The following PHACTR2 variants were observed in gnomAD, a reference collection of about 807,000 sequenced individuals.
PHACTR2 encodes the protein chromosome 6 open reading frame 56.
PHACTR2 carries 30 observed loss-of-function variants against 76.0 expected under a neutral mutation model. That is an observed-to-expected ratio of 0.39 (90% CI 0.30 to 0.54). The LOEUF (loss-of-function observed/expected upper bound fraction) is 0.54, where lower values mean the gene tolerates loss of function less well. PHACTR2 is among the 20% of genes least tolerant of loss of function. The probability of loss-of-function intolerance (pLI) is 0.61; values close to 1 mark genes in which losing one functional copy is unlikely to be tolerated. For missense variants in PHACTR2, 696 were observed against 781.1 expected, an observed-to-expected ratio of 0.89 and a Z score of 1.30; for synonymous variants, 292 against 292.5, an observed-to-expected ratio of 1.00 and a Z score of 0.02.
chr6:143,718,875 GTTTTTTTTTTTT>G (rs1226236202), intron 2 of PHACTR2, among the ~76,000 whole-genome samples: 2 of 123,510 alleles, frequency 1.6e-5, no homozygotes, highest in East Asian at 2.8e-4. Context: ...AGTTGGAAGT[GTTTTTTTTTTTT>G]TTTTTTTTTT....
At position 143,830,764 on chromosome 6, in the gene PHACTR2, T is replaced by C. The variant is rs1776651088; in HGVS notation, c.*7075T>C. On this transcript the variant is annotated 3_prime_UTR_variant, in exon 13 of 13. Transcript: ENST00000440869. ...GAACATTGTTTAGCTTTCCTAAGTATATATAAATGCATATATGTATAAAAT... is the reference window on the plus strand; with the variant it reads ...GAACATTGTTTAGCTTTCCTAAGTACATATAAATGCATATATGTATAAAAT... 6.6e-6 allele frequency: 1 copy of C among 152,360 alleles called. No homozygotes were observed. The highest frequency in any genetic ancestry group is 1.9e-4 in the East Asian group (1 of 5,196). The allele number at this position is 152,360 out of a possible 1,614,324, so 9.4% of individuals were successfully genotyped here.
Position 143,700,899 on chromosome 6 carries a change from T to C in PHACTR2, c.47-11117T>C, listed in dbSNP as rs1442978317. ...TGGTTGATTCCTGTCACGTTTTTCC[T>C]CTCTGTAGCGACATCTTGCTATTCC... On this transcript the variant is annotated intron_variant, in intron 1 of 12. Coordinates refer to ENST00000440869, the MANE Select transcript of PHACTR2 (RefSeq NM_001100164.2). This position sits in a 1 kb window ranked among gnomAD's most constrained non-coding sequence, Gnocchi z 4.1. 6.6e-6 allele frequency among the ~76,000 whole-genome samples: 1 copy of C among 152,260 alleles called. No homozygotes were observed. The highest frequency in any genetic ancestry group is 2.1e-4 in the South Asian group (1 of 4,832).
intron 11 of PHACTR2, among the ~76,000 whole-genome samples, chr6:143,805,479 C>CAAAA (rs746027973): frequency 2.1e-5 from 2 of 95,154 alleles, no homozygotes; most frequent in Non-Finnish European, 2.2e-5. Context: ...AACTCCGTCT[C>CAAAA]AAAAAAAAAA....
intron 1 of PHACTR2, among the ~76,000 whole-genome samples, chr6:143,588,012 C>CTAAAGTAAAATAAAATAAAA (rs1775647846): frequency 7.3e-6 from 1 of 137,656 alleles, no homozygotes; most frequent in Non-Finnish European, 1.6e-5. Context: ...AACTCTGTCT[C>CTAAAGTAAAATAAAATAAAA]TAAAATAAAA....
Position 143,558,758 on chromosome 6 carries a change from A to G in PHACTR2, c.217+21551A>G, listed in dbSNP as rs745532647. On this transcript the variant is annotated intron_variant, in intron 1 of 11. Coordinates refer to the PHACTR2 transcript ENST00000367584. This position sits in a 1 kb window ranked among gnomAD's most constrained non-coding sequence, Gnocchi z 4.7. ...TCGAGCTCATGCTCTTTGTTTCCCA[A>G]CTGGCCTTTGAGTACAGGTACGTTA... Among the ~76,000 whole-genome samples, 4 of 152,168 alleles carry G rather than the reference A, an allele frequency of 2.6e-5. No individual in the cohort carries two copies. The highest frequency in any genetic ancestry group is 7.2e-5 in the African/African-American group (3 of 41,454).
Position 143,774,704 on chromosome 6 carries a change from T to C in PHACTR2, c.1589+489T>C, listed in dbSNP as rs1435295884. On this transcript the variant is annotated intron_variant, in intron 8 of 12. Coordinates refer to ENST00000440869, the MANE Select transcript of PHACTR2 (RefSeq NM_001100164.2). This position sits in a 1 kb window ranked among gnomAD's most constrained non-coding sequence, Gnocchi z 5.4. ...CCATGAGGTTCTGCCCTGTGGACTG[T>C]GAGACTGCAGAAATATTATTTGCCT... Among the ~76,000 whole-genome samples the C allele has an allele frequency of 6.6e-6, 1 of 152,210 alleles. No individual in the cohort carries two copies. Among genetic ancestry groups the C allele is most frequent in the Non-Finnish European group, 1.5e-5 (1 of 68,026 alleles).
Position 143,774,968 on chromosome 6 carries a change from G to A in PHACTR2, c.1589+753G>A. Among the ~76,000 whole-genome samples the A allele has an allele frequency of 6.6e-6, 1 of 152,210 alleles. No homozygotes were observed. The highest frequency in any genetic ancestry group is 1.9e-4 in the East Asian group (1 of 5,196). The stretch of plus-strand genomic sequence containing the variant: ...TCAGTTTAAGCACATGTAAGAATTA[G>A]TTGTTCTGCTGACTTGTCTTACTCT... On this transcript the variant is annotated intron_variant, in intron 8 of 12. Coordinates refer to ENST00000440869, the MANE Select transcript of PHACTR2 (RefSeq NM_001100164.2). This position sits in a 1 kb window ranked among gnomAD's most constrained non-coding sequence, Gnocchi z 5.4.
At chr6:143,681,154 C>G (rs7766510) in intron 1 of PHACTR2, among the ~76,000 whole-genome samples, 28,829 of 152,016 alleles carry the variant, frequency 0.19, 2,799 homozygotes, top group East Asian at 0.37. Context: ...GTAGGTAGTT[C>G]TATGTTTAAC....
chr6:143,690,058 A>G (rs1157305436), intron 1 of PHACTR2, among the ~76,000 whole-genome samples: 3 of 152,190 alleles, frequency 2.0e-5, no homozygotes, highest in Non-Finnish European at 4.4e-5. Context: ...AGAAATGCCA[A>G]CGATAGCTAA....
Position 143,807,186 on chromosome 6 carries a change from T to C in PHACTR2, c.1922+53T>C, listed in dbSNP as rs1208014212. 1.6e-5 allele frequency: 16 copies of C among 1,030,088 alleles called. No individual in the cohort carries two copies. The highest frequency in any genetic ancestry group is 2.4e-5 in the Non-Finnish European group (16 of 674,966). The allele number at this position is 1,030,088 out of a possible 1,614,324, so 63.8% of individuals were successfully genotyped here. A position where few individuals can be genotyped will look rare whatever the true frequency, so the allele number is the denominator to read the frequency against. ...TGAAAATGCTTAAGATGTGATCCCA[T>C]GTTGAGTTGGTTAAAAAAAGAAATT... On this transcript the variant is annotated intron_variant, in intron 12 of 12. Coordinates refer to ENST00000440869, the MANE Select transcript of PHACTR2 (RefSeq NM_001100164.2). The surrounding 1 kb of genome is among the most constrained non-coding windows in gnomAD (Gnocchi z 5.5).
intron 1 of PHACTR2, among the ~76,000 whole-genome samples, chr6:143,638,438 A>G (rs1312601772): frequency 6.6e-6 from 1 of 151,962 alleles, no homozygotes; most frequent in African/African-American, 2.4e-5. Flanking sequence ...CCAGCTACTC[A>G]GGAGGCTGAG....
chr6:143,699,007 A>G (rs774995724), intron 1 of PHACTR2, among the ~76,000 whole-genome samples: 3 of 152,132 alleles, frequency 2.0e-5, no homozygotes, highest in African/African-American at 7.2e-5. Flanking sequence ...CTGACATTGC[A>G]TCAACTCCCC....
chr6:143,680,691 G>C lies in PHACTR2; in HGVS notation c.46+2482G>C, dbSNP rs928859201. Among the ~76,000 whole-genome samples the C allele has an allele frequency of 3.9e-5, 6 of 152,148 alleles. No individual in the cohort carries two copies. The East Asian group carries it at 9.6e-4, about 24-fold the overall frequency. On this transcript the variant is annotated intron_variant, in intron 1 of 12. Coordinates refer to ENST00000440869, the MANE Select transcript of PHACTR2 (RefSeq NM_001100164.2). The surrounding 1 kb of genome is among the most constrained non-coding windows in gnomAD (Gnocchi z 4.5). ...TCACATACTATAAAATTCACCCATGGAAAGTGTACAGTTCATTGTTTTTCA... is the reference window on the plus strand; with the variant it reads ...TCACATACTATAAAATTCACCCATGCAAAGTGTACAGTTCATTGTTTTTCA...
chr6:143,786,875 G>A (rs569134891), intron 10 of PHACTR2, among the ~76,000 whole-genome samples: 10 of 152,276 alleles, frequency 6.6e-5, no homozygotes, highest in African/African-American at 2.4e-4. Flanking sequence ...TACAATTCAA[G>A]TTGAGATTTG....
In PHACTR2 at chr6:143,633,850, G is replaced by A. The variant is rs891410839; in HGVS notation, c.13+25528G>A. On this transcript the variant is annotated intron_variant, in intron 1 of 11. Transcript: ENST00000305766. This position sits in a 1 kb window ranked among gnomAD's most constrained non-coding sequence, Gnocchi z 4.1. ...GTCTAGATTCATTTTTTCGCATTTAGATGTCCAGTTACCTTTTGAAGATGA... is the reference window on the plus strand; with the variant it reads ...GTCTAGATTCATTTTTTCGCATTTAAATGTCCAGTTACCTTTTGAAGATGA... Among the ~76,000 whole-genome samples the A allele has an allele frequency of 2.0e-5, 3 of 152,084 alleles. No individual in the cohort carries two copies. The highest frequency in any genetic ancestry group is 4.4e-5 in the Non-Finnish European group (3 of 68,006).
In PHACTR2 at chr6:143,754,432, C is replaced by T. The variant is rs1433273550; in HGVS notation, c.454+520C>T. ...TTCTGAGAGAGACCCAGGAATAGCT[C>T]CCAGAGATGCCACGGACTGTGGTTG... On this transcript the variant is annotated intron_variant, in intron 4 of 12. Coordinates refer to ENST00000440869, the MANE Select transcript of PHACTR2 (RefSeq NM_001100164.2). This position sits in a 1 kb window ranked among gnomAD's most constrained non-coding sequence, Gnocchi z 6.2. Among the ~76,000 whole-genome samples the T allele has an allele frequency of 2.0e-5, 3 of 152,198 alleles. No homozygotes were observed. Among genetic ancestry groups the T allele is most frequent in the Admixed American group, 6.5e-5 (1 of 15,282 alleles).
Position 143,828,874 on chromosome 6 carries a change from C to T in PHACTR2, c.*5185C>T, listed in dbSNP as rs887593823. The T allele has an allele frequency of 1.3e-5, 2 of 152,202 alleles. No homozygotes were observed. The highest frequency in any genetic ancestry group is 2.9e-5 in the Non-Finnish European group (2 of 68,058). The allele number at this position is 152,202 out of a possible 1,614,324, so 9.4% of individuals were successfully genotyped here. ...AAACACCAAGAATAAAAAGCATTCCCCCAGGTTCAAATGCCCTCCCTGGGA... is the reference window on the plus strand; with the variant it reads ...AAACACCAAGAATAAAAAGCATTCCTCCAGGTTCAAATGCCCTCCCTGGGA... On this transcript the variant is annotated 3_prime_UTR_variant, in exon 13 of 13. Transcript: ENST00000440869. The surrounding 1 kb of genome is among the most constrained non-coding windows in gnomAD (Gnocchi z 4.7).
At chr6:143,711,190 T>G (rs1172690993) in intron 1 of PHACTR2, 1 of 354,620 alleles carries the variant, frequency 2.8e-6, no homozygotes, top group African/African-American at 2.2e-5. Context: ...AAAACTACTG[T>G]TTTGATTTTT....
rs1257031430 is a variant in PHACTR2, at chr6:143,571,418, C to T, written c.217+34211C>T. ...TAATCCATTACTATCTACTTTATTTCTTTTTTTAGAGACCCTCCAGCTCTG... is the reference window on the plus strand; with the variant it reads ...TAATCCATTACTATCTACTTTATTTTTTTTTTTAGAGACCCTCCAGCTCTG... On this transcript the variant is annotated intron_variant, in intron 1 of 11. Coordinates refer to the PHACTR2 transcript ENST00000367584. The surrounding 1 kb of genome is among the most constrained non-coding windows in gnomAD (Gnocchi z 4.6). Among the ~76,000 whole-genome samples the T allele has an allele frequency of 2.0e-5, 3 of 151,964 alleles. No individual in the cohort carries two copies. The highest frequency in any genetic ancestry group is 4.8e-5 in the African/African-American group (2 of 41,358).
Sources: allele counts gnomAD v4.1 joint callset (sites outside exome capture counted in the v4.1 genomes callset), GRCh38; gene constraint gnomAD v4.1.1; non-coding constraint Gnocchi (gnomAD v3.1); transcripts MANE v1.5; gene names NCBI Gene and HGNC (gene_info 2026-07-23, HGNC 2026-07-21).